The following CCDC186 variants were observed in gnomAD, a reference collection of about 807,000 sequenced individuals.
The protein encoded by CCDC186 is coiled-coil domain containing 186.
Under a neutral mutation model 113.7 loss-of-function variants are expected in CCDC186, and 49 were observed. That is an observed-to-expected ratio of 0.43 (90% confidence interval 0.34 to 0.55). The LOEUF (loss-of-function observed/expected upper bound fraction) is 0.55. Ranked by LOEUF, CCDC186 falls within the 20% of genes least tolerant of loss-of-function variation. The pLI is 0.02. For missense variants in CCDC186, 890 were observed against 1,011.1 expected, an observed-to-expected ratio of 0.88 and a Z score of 1.62; for synonymous variants, 355 against 345.8, an observed-to-expected ratio of 1.03 and a Z score of -0.30.
chr10:114,131,112 C>T, intron 12 of CCDC186, 35 bp downstream of exon 12: 1 of 1,360,056 alleles, frequency 7.4e-7, no homozygotes, highest in Non-Finnish European at 9.6e-7. Flanking sequence ...AAGAAACAAA[C>T]ACATTCATGG....
rs2030849605 is a variant in CCDC186 at position 114,125,107 on chromosome 10, G to A, written c.*36C>T. ...AGAGGTCAGTGGCACCTACTCCTGT[G>A]TGGCTTTTGTCTCTTTACTGAGCAA... is the stretch of plus-strand genomic sequence containing the variant. On this transcript the variant is annotated 3_prime_UTR_variant, in exon 16 of 16. Transcript: ENST00000369287. 2 of 1,496,956 alleles carry A rather than the reference G, an allele frequency of 1.3e-6. No individual in the cohort carries two copies. The highest frequency in any genetic ancestry group is 3.9e-5 in the Admixed American group (2 of 51,784). 92.7% of individuals were successfully genotyped at this position (1,496,956 alleles called of 1,614,324 possible). A position where few individuals can be genotyped will look rare whatever the true frequency, so the allele number is the denominator to read the frequency against.
At chr10:114,144,742 G>C (rs1413453505) in intron 5 of CCDC186, 126 bp from the exon 6 acceptor site, 1 of 774,808 alleles carries the variant, frequency 1.3e-6, no homozygotes, top group East Asian at 2.8e-5. Flanking sequence ...ATAGCCCACA[G>C]ACTATAAAAC....
At chr10:114,168,718 T>G (rs1422220526) in intron 1 of CCDC186, among the ~76,000 whole-genome samples, 4 of 152,176 alleles carry the variant, frequency 2.6e-5, no homozygotes. Context: ...CTCCTAATTT[T>G]CAGGGAGATT....
chr10:114,143,815 C>T (rs2031551485), intron 6 of CCDC186, among the ~76,000 whole-genome samples: 1 of 152,146 alleles, frequency 6.6e-6, no homozygotes, highest in South Asian at 2.1e-4. Context: ...TAAACTTACA[C>T]TTCTTAAGTC....
chr10:114,145,729 T>G lies in CCDC186; in HGVS notation c.921A>C (p.Glu307Asp). The stretch of plus-strand genomic sequence containing the variant: ...CATATTTCATTACCATTGCTTCTTT[T>G]TCTTGGCGTGCCTCTTCACATTTCT... Reference protein sequence around the residue: ...ANKKCEEARQEKEAMVMKYVR... With the variant: ...ANKKCEEARQDKEAMVMKYVR... Residue 307 changes from glutamate to aspartate, a missense_variant, in exon 5 of 16, where the codon GAA (glutamate) becomes GAC (aspartate). Coordinates refer to ENST00000369287, the MANE Select transcript of CCDC186 (RefSeq NM_018017.4). 1 of 1,600,698 alleles carries G rather than the reference T, an allele frequency of 6.2e-7. No homozygotes were observed. Among genetic ancestry groups the G allele is most frequent in the South Asian group, 1.2e-5 (1 of 86,642 alleles).
chr10:114,132,569 T>C (rs988307957), intron 10 of CCDC186, among the ~76,000 whole-genome samples: 1 of 152,214 alleles, frequency 6.6e-6, no homozygotes, highest in South Asian at 2.1e-4. Flanking sequence ...CATATGGTTT[T>C]GCTGCAATTG....
At chr10:114,152,567 G>T (rs1312368695) in intron 3 of CCDC186, among the ~76,000 whole-genome samples, 2 of 152,114 alleles carry the variant, frequency 1.3e-5, no homozygotes, top group Non-Finnish European at 2.9e-5. Context: ...TAATGCAAAA[G>T]AAGGCAGTGA....
At chr10:114,173,014 A>G (rs2032554614) in intron 1 of CCDC186, 5 of 291,984 alleles carry the variant, frequency 1.7e-5, no homozygotes, top group South Asian at 1.2e-4. Flanking sequence ...AATGACTACC[A>G]GCACACCTCT....
rs146314719 is a variant in CCDC186 at position 114,141,648 on chromosome 10, C to T, written c.1221+2849G>A. ...CTCTTAACACACACACACACACGCA[C>T]GCACACACATACACGCACGCACGCA... On this transcript the variant is annotated intron_variant, in intron 6 of 15. Transcript: ENST00000369287. 3.8e-3 allele frequency among the ~76,000 whole-genome samples: 574 copies of T among 152,094 alleles called. 1 individual carries two copies. The highest frequency in any genetic ancestry group is 5.3e-3 in the Non-Finnish European group (361 of 67,956).
chr10:114,130,506 T>C (rs2031053828), intron 12 of CCDC186: 3 of 152,248 alleles, frequency 2.0e-5, no homozygotes, highest in Admixed American at 1.3e-4. Context: ...TATGACTTTT[T>C]AAAAGAAAGA....
At chr10:114,149,651 AG>A (rs2031766140) in intron 4 of CCDC186, among the ~76,000 whole-genome samples, 1 of 109,978 alleles carries the variant, frequency 9.1e-6, no homozygotes. Flanking sequence ...GGGAATGCGA[AG>A]GAAGGAAGGA....
At position 114,134,977 on chromosome 10, in the gene CCDC186, C is replaced by A; in HGVS notation, c.1591G>T (p.Ala531Ser). The A allele has an allele frequency of 6.2e-7, 1 of 1,612,544 alleles. No individual in the cohort carries two copies. Residue 531 changes from alanine (A) to serine (S), a missense_variant, in exon 10 of 16, where the codon GCT becomes TCT. Ala to Ser is a moderately conservative substitution (Grantham distance 99, BLOSUM62 1). Transcript: ENST00000369287. ...KYKEIINRQK[A>S]EIQNLLDKVK... ...TTGTCCAATAAATTCTGAATTTCAG[C>A]TTTTTGGCGATTAATAATTTCCTTA...
chr10:114,159,612 A>C lies in CCDC186; in HGVS notation c.633-1932T>G, dbSNP rs111460646. The stretch of plus-strand genomic sequence containing the variant: ...GAGCCAAGATCCGCCACTGCACTCT[A>C]GCTCAGTGACAGAGCGAGACTCCGT... On this transcript the variant is annotated intron_variant, in intron 2 of 15. Coordinates refer to ENST00000369287, the MANE Select transcript of CCDC186 (RefSeq NM_018017.4). Among the ~76,000 whole-genome samples the C allele has an allele frequency of 1.3e-3, 183 of 143,536 alleles. 2 individuals are homozygous for C. Among genetic ancestry groups the C allele is most frequent in the African/African-American group, 4.5e-3 (172 of 38,094 alleles). 94.2% of individuals were successfully genotyped at this position (143,536 alleles called of 152,430 possible).
At chr10:114,127,743 T>A (rs1365893302) in intron 13 of CCDC186, 72 bp from the exon 14 acceptor site, 1 of 1,264,750 alleles carries the variant, frequency 7.9e-7, no homozygotes, top group Non-Finnish European at 1.1e-6. Context: ...ATATTACTTA[T>A]TCCAGCATCA....
chr10:114,142,054 TTTA>T (rs1320044169), intron 6 of CCDC186, among the ~76,000 whole-genome samples: 1 of 152,204 alleles, frequency 6.6e-6, no homozygotes, highest in African/African-American at 2.4e-5. Flanking sequence ...AGAATATAGT[TTTA>T]TTAAGTGAGA....
At chr10:114,160,965 G>A (rs1277185331) in intron 2 of CCDC186, among the ~76,000 whole-genome samples, 1 of 152,152 alleles carries the variant, frequency 6.6e-6, no homozygotes, top group African/African-American at 2.4e-5. Context: ...TCACTCTAAG[G>A]TGAAAAATCT....
At chr10:114,136,593 ATTATTAACCTAAGTTATTAGG>A (rs2031269618) in intron 7 of CCDC186, among the ~76,000 whole-genome samples, 1 of 152,242 alleles carries the variant, frequency 6.6e-6, no homozygotes, top group Non-Finnish European at 1.5e-5. Context: ...TATACCTAAA[ATTATTAACCTAAGTTATTAGG>A]TTATTAACCT....
At chr10:114,144,675 T>C in intron 5 of CCDC186, 59 bp from the exon 6 acceptor site, 2 of 1,430,760 alleles carry the variant, frequency 1.4e-6, no homozygotes, top group Non-Finnish European at 1.9e-6. Flanking sequence ...ATTATATCTT[T>C]TATATTCCCC....
intron 2 of CCDC186, among the ~76,000 whole-genome samples, chr10:114,159,636 G>A (rs1326776727): frequency 4.9e-5 from 5 of 102,662 alleles, no homozygotes; most frequent in African/African-American, 2.1e-4. Flanking sequence ...GCGAGACTCC[G>A]TCTCAAAAAA....
Sources: allele counts gnomAD v4.1 joint callset (sites outside exome capture counted in the v4.1 genomes callset), GRCh38; gene constraint gnomAD v4.1.1; transcripts MANE v1.5; gene names NCBI Gene and HGNC (gene_info 2026-07-23, HGNC 2026-07-21).